The following FBXO47 variants were observed in gnomAD, a reference collection of about 807,000 sequenced individuals.
FBXO47 encodes the protein F-box protein 47.
A neutral mutation model predicts 53.9 loss-of-function variants in FBXO47; 34 were observed. The ratio of observed to expected loss-of-function variants is 0.63; its 90% CI spans 0.48 to 0.84. The LOEUF (loss-of-function observed/expected upper bound fraction) is 0.84, where lower values mean the gene tolerates loss of function less well. FBXO47 is among the 40% of genes least tolerant of loss of function. The pLI is 0.00. For synonymous variants in FBXO47, 165 were observed against 181.6 expected, an observed-to-expected ratio of 0.91 and a Z score of 0.73; for missense variants, 485 against 541.3, an observed-to-expected ratio of 0.90 and a Z score of 1.03.
At chr17:38,949,842 C>G (rs2143929967) in intron 6 of FBXO47, among the ~76,000 whole-genome samples, 1 of 152,256 alleles carries the variant, frequency 6.6e-6, no homozygotes, top group East Asian at 1.9e-4. Flanking sequence ...CTCAAGTGAT[C>G]CACTTCAGCC....
intron 6 of FBXO47, among the ~76,000 whole-genome samples, chr17:38,947,837 G>T (rs1443350945): frequency 6.6e-6 from 1 of 152,096 alleles, no homozygotes. Flanking sequence ...TGTGAACCCG[G>T]GAGGCAGAGC....
At chr17:38,938,502 T>C in intron 10 of FBXO47, 71 bp downstream of exon 10, 1 of 1,092,878 alleles carries the variant, frequency 9.2e-7, no homozygotes, top group East Asian at 2.5e-5. Context: ...TAGAGAAAAA[T>C]ATCTCTGTTT....
intron 5 of FBXO47, among the ~76,000 whole-genome samples, chr17:38,953,116 A>C (rs2143940046): frequency 7.3e-6 from 1 of 136,766 alleles, no homozygotes; most frequent in African/African-American, 2.8e-5. Context: ...GTCTCTACTA[A>C]AAAAAAAACC....
intron 6 of FBXO47, 24 bp downstream of exon 6, chr17:38,951,557 T>C: frequency 6.7e-7 from 1 of 1,490,372 alleles, no homozygotes; most frequent in Non-Finnish European, 9.3e-7. Context: ...CTCTGTATAT[T>C]ATATGCAAAT....
intron 6 of FBXO47, among the ~76,000 whole-genome samples, chr17:38,946,348 A>G (rs1170322035): frequency 1.1e-5 from 1 of 94,756 alleles, no homozygotes; most frequent in Admixed American, 1.7e-4. Context: ...ATATAAATAT[A>G]TAAATATATA....
chr17:38,947,094 A>G (rs1352313483), intron 6 of FBXO47, among the ~76,000 whole-genome samples: 1 of 136,730 alleles, frequency 7.3e-6, no homozygotes, highest in Admixed American at 7.8e-5. Flanking sequence ...ATATATATAA[A>G]CATATATATA....
At chr17:38,946,443 T>C (rs180709866) in intron 6 of FBXO47, among the ~76,000 whole-genome samples, 6 of 91,692 alleles carry the variant, frequency 6.5e-5, no homozygotes, top group Admixed American at 3.4e-4. Context: ...TATATGAATA[T>C]ATATAACTAT....
At chr17:38,957,069 G>C in intron 4 of FBXO47, 108 bp downstream of exon 4, 4 of 652,710 alleles carry the variant, frequency 6.1e-6, no homozygotes, top group South Asian at 4.7e-5. Flanking sequence ...ATTTTTTAGT[G>C]CTAATTCATG....
At chr17:38,940,553 C>G (rs983802418) in intron 9 of FBXO47, among the ~76,000 whole-genome samples, 1 of 151,934 alleles carries the variant, frequency 6.6e-6, no homozygotes, top group African/African-American at 2.4e-5. Flanking sequence ...CAGATTCTAC[C>G]CTTCAGAAAT....
rs746047037 is a variant in FBXO47 at position 38,962,914 on chromosome 17, T to G, written c.112A>C (p.Ile38Leu). The stretch of plus-strand genomic sequence containing the variant: ...GCTTTAAAATTTCCAAATGTTGATA[T>G]GGGTTGAAAGCCTGAGCCAAGGGTC... The part of the protein sequence containing the change: ...SKTLGSGFQP[I>L]STFGNFKALP... Residue 38 changes from isoleucine (I) to leucine (L), a missense_variant, in exon 2 of 11, where the codon ATA (isoleucine) becomes CTA (leucine). Ile to Leu is a conservative substitution (Grantham distance 5). Coordinates refer to ENST00000378079, the MANE Select transcript of FBXO47 (RefSeq NM_001008777.3). The G allele has an allele frequency of 6.2e-7, 1 of 1,613,268 alleles. No homozygotes were observed. The highest frequency in any genetic ancestry group is 8.5e-7 in the Non-Finnish European group (1 of 1,179,466).
At position 38,938,603 on chromosome 17, in the gene FBXO47, T is replaced by C. The variant is rs1395128831; in HGVS notation, c.1213A>G (p.Ile405Val). ...ATAATTGATTGCAGCATTTCCATTATAACACATGCAAATGCATTTGCCACA... is the reference window on the plus strand; with the variant it reads ...ATAATTGATTGCAGCATTTCCATTACAACACATGCAAATGCATTTGCCACA... ...QNVANAFACV[I>V]MEMLQSIMSG... The change falls in exon 10 of 11, where the codon ATA becomes GTA. Residue 405 changes from isoleucine (I) to valine (V), a missense_variant. By Grantham distance (29) the Ile-to-Val change is conservative. Coordinates refer to ENST00000378079, the MANE Select transcript of FBXO47 (RefSeq NM_001008777.3). 5 of 1,613,208 alleles carry C rather than the reference T, an allele frequency of 3.1e-6. No homozygotes were observed. Among genetic ancestry groups the C allele is most frequent in the Non-Finnish European group, 4.2e-6 (5 of 1,179,510 alleles).
In FBXO47 at chr17:38,967,374, C is replaced by T. The variant is rs993853464; in HGVS notation, c.-172G>A. 6.6e-6 allele frequency: 1 copy of T among 152,128 alleles called. No individual in the cohort carries two copies. The highest frequency in any genetic ancestry group is 1.5e-5 in the Non-Finnish European group (1 of 68,060). 9.4% of individuals were successfully genotyped at this position (152,128 alleles called of 1,614,324 possible). A position where few individuals can be genotyped will look rare whatever the true frequency, so the allele number is the denominator to read the frequency against. ...CGCCAGGAGGCGAGAGGGTCACACTCCCGTAGGCTCCGGAGCTGCAGCCCT... is the reference window on the plus strand; with the variant it reads ...CGCCAGGAGGCGAGAGGGTCACACTTCCGTAGGCTCCGGAGCTGCAGCCCT... On this transcript the variant is annotated 5_prime_UTR_variant, in exon 1 of 11. Transcript: ENST00000378079.
intron 10 of FBXO47, 107 bp downstream of exon 10, chr17:38,938,462 CTTTT>C (rs57980928): frequency 1.0e-5 from 6 of 599,916 alleles, no homozygotes; most frequent in Non-Finnish European, 1.3e-5. Context: ...ATAGAAATAG[CTTTT>C]TTTTTTTTTT....
intron 6 of FBXO47, among the ~76,000 whole-genome samples, chr17:38,946,421 ACTATATAAATATATATGAATAT>A (rs1904849811): frequency 6.1e-5 from 3 of 49,260 alleles, no homozygotes; most frequent in Admixed American, 3.3e-4. Flanking sequence ...TATATATATA[ACTATATAAATATATATGAATAT>A]ATATAACTAT....
chr17:38,954,405 C>T (rs1389037003), intron 5 of FBXO47, among the ~76,000 whole-genome samples: 2 of 152,092 alleles, frequency 1.3e-5, no homozygotes, highest in African/African-American at 4.8e-5. Context: ...TAGTTATTAT[C>T]TTCTTTGTTT....
intron 1 of FBXO47, 35 bp from the exon 2 acceptor site, chr17:38,963,086 GAA>G (rs1905901470): frequency 7.7e-7 from 1 of 1,306,076 alleles, no homozygotes; most frequent in Admixed American, 2.2e-5. Flanking sequence ...AGACAAGAAA[GAA>G]AGGAAATTAA....
Position 38,962,972 on chromosome 17 carries a change from T to G in FBXO47, c.54A>C (p.Arg18Ser). ...NFTLIPNQKL[R>S]RSNRQTSCYS... is the part of the protein sequence containing the mutation. ...AACAGCTGGTTTGACGATTACTACGTCTAAGTTTCTGGTTGGGAATCAAAG... is the reference window on the plus strand; with the variant it reads ...AACAGCTGGTTTGACGATTACTACGGCTAAGTTTCTGGTTGGGAATCAAAG... Residue 18 changes from arginine (R) to serine (S), a missense_variant, in exon 2 of 11, where the codon AGA becomes AGC. Transcript: ENST00000378079. 6.2e-7 allele frequency: 1 copy of G among 1,612,328 alleles called. No individual in the cohort carries two copies. Among genetic ancestry groups the G allele is most frequent in the Non-Finnish European group, 8.5e-7 (1 of 1,178,754 alleles).
chr17:38,962,818 G>A (rs1443831022), intron 2 of FBXO47, 27 bp downstream of exon 2: 1 of 1,542,328 alleles, frequency 6.5e-7, no homozygotes, highest in Non-Finnish European at 8.9e-7. Flanking sequence ...GTCTTGTGTA[G>A]GCTATTCATA....
Position 38,937,289 on chromosome 17 carries a change from T to G in FBXO47, c.1245A>C (p.Gly415=). The G allele has an allele frequency of 6.8e-7, 1 of 1,462,670 alleles. No individual in the cohort carries two copies. Among genetic ancestry groups the G allele is most frequent in the Non-Finnish European group, 9.5e-7 (1 of 1,049,364 alleles). 90.6% of individuals were successfully genotyped at this position (1,462,670 alleles called of 1,614,324 possible). A position where few individuals can be genotyped will look rare whatever the true frequency, so the allele number is the denominator to read the frequency against. Residue 415 remains glycine, a splice_region_variant and synonymous_variant, in exon 11 of 11, where the codon GGA becomes GGC. Transcript: ENST00000378079. ...IMEMLQSIMS[G]DRDEDDRSFL... is the part of the protein sequence containing the mutation. ...AGCTTCTGTCATCTTCATCACGGTCTCCTATATGCCATACATAGTGGGGAA... is the reference window on the plus strand; with the variant it reads ...AGCTTCTGTCATCTTCATCACGGTCGCCTATATGCCATACATAGTGGGGAA...
Sources: gnomAD v4.1 joint callset for allele counts (sites outside exome capture counted in the v4.1 genomes callset) on GRCh38, gnomAD v4.1.1 for gene constraint, MANE v1.5 for transcripts, NCBI Gene and HGNC (gene_info 2026-07-23, HGNC 2026-07-21) for gene names.